Variants in PDZRN4 observed in about 807,000 individuals in gnomAD.
PDZRN4 encodes the protein PDZ domain-containing RING finger protein 4.
Under a neutral mutation model 99.0 loss-of-function variants are expected in PDZRN4, and 70 were observed. The observed-to-expected ratio is 0.71, with a 90% CI of 0.58 to 0.86. The LOEUF is 0.86. Ranked by LOEUF, PDZRN4 falls within the 40% of genes least tolerant of loss-of-function variation. The pLI is 0.00. For missense variants in PDZRN4, 1,474 were observed against 1,331.2 expected, an observed-to-expected ratio of 1.11 and a Z score of -1.67; for synonymous variants, 551 against 501.6, an observed-to-expected ratio of 1.10 and a Z score of -1.32.
intron 3 of PDZRN4, among the ~76,000 whole-genome samples, chr12:41,366,722 T>C (rs1449521688): frequency 6.6e-6 from 1 of 152,106 alleles, no homozygotes; most frequent in African/African-American, 2.4e-5. Flanking sequence ...CATAAGGCAA[T>C]AGATCCTCTC....
intron 3 of PDZRN4, among the ~76,000 whole-genome samples, chr12:41,368,787 C>T (rs1952020038): frequency 6.6e-6 from 1 of 152,078 alleles, no homozygotes; most frequent in Non-Finnish European, 1.5e-5. Flanking sequence ...TATACATTAG[C>T]TCATCTCCTC....
At chr12:41,414,917 A>G (rs998938259) in intron 3 of PDZRN4, among the ~76,000 whole-genome samples, 2 of 152,188 alleles carry the variant, frequency 1.3e-5, no homozygotes, top group Non-Finnish European at 2.9e-5. Context: ...CTGAGATAGC[A>G]GAGTCAAGGG....
intron 3 of PDZRN4, among the ~76,000 whole-genome samples, chr12:41,350,297 A>T (rs1412691857): frequency 6.6e-6 from 1 of 152,088 alleles, no homozygotes; most frequent in Non-Finnish European, 1.5e-5. Flanking sequence ...CAAGTGAAGC[A>T]ATTCCAGAGT....
chr12:41,232,145 T>C (rs544704085), intron 3 of PDZRN4, among the ~76,000 whole-genome samples: 19 of 152,134 alleles, frequency 1.2e-4, no homozygotes, highest in African/African-American at 4.3e-4. Context: ...ACTGAGATTA[T>C]AAATCAATTA....
intron 3 of PDZRN4, among the ~76,000 whole-genome samples, chr12:41,241,361 T>G (rs1951100845): frequency 6.6e-6 from 1 of 151,758 alleles, no homozygotes; most frequent in Non-Finnish European, 1.5e-5. Context: ...GTTGTGCATC[T>G]AGATTTTTGG....
chr12:41,239,665 A>T (rs1364603815), intron 3 of PDZRN4, among the ~76,000 whole-genome samples: 1 of 152,208 alleles, frequency 6.6e-6, no homozygotes, highest in South Asian at 2.1e-4. Context: ...AGACACATCA[A>T]ATAAGTCATT....
intron 3 of PDZRN4, among the ~76,000 whole-genome samples, chr12:41,203,786 C>T (rs751837839): frequency 6.6e-6 from 1 of 151,878 alleles, no homozygotes; most frequent in Non-Finnish European, 1.5e-5. Flanking sequence ...ATGAAAAGTC[C>T]GTTGAAGCCA....
At position 41,234,013 on chromosome 12, in the gene PDZRN4, C is replaced by T. The variant is rs556028244; in HGVS notation, c.843+39825C>T. Among the ~76,000 whole-genome samples, 22 of 151,890 alleles carry T rather than the reference C, an allele frequency of 1.4e-4. No individual in the cohort carries two copies. The East Asian group carries it at 2.9e-3, about 20-fold the overall frequency. The stretch of plus-strand genomic sequence containing the variant: ...AGAGAATCACTCTCTGATTGGCCCC[C>T]GTCAGAAAGCAATATTGGCCCTTTG... On this transcript the variant is annotated intron_variant, in intron 3 of 9. Transcript: ENST00000402685.
chr12:41,273,477 T>G (rs1269351637), intron 3 of PDZRN4, among the ~76,000 whole-genome samples: 1 of 152,058 alleles, frequency 6.6e-6, no homozygotes, highest in Admixed American at 6.6e-5. Flanking sequence ...TGAAACAGTA[T>G]AGCGTGATAG....
At chr12:41,519,670 G>A (rs1025417028) in intron 5 of PDZRN4, among the ~76,000 whole-genome samples, 31 of 151,872 alleles carry the variant, frequency 2.0e-4, no homozygotes, top group African/African-American at 7.3e-4. Flanking sequence ...GAACGTGAGG[G>A]GTCTTAGCCC....
At chr12:41,409,778 G>A (rs182029355) in intron 3 of PDZRN4, 4 of 152,186 alleles carry the variant, frequency 2.6e-5, no homozygotes, top group Non-Finnish European at 5.9e-5. Context: ...TGAAATCAAT[G>A]TGTCAGATGT....
chr12:41,368,834 T>C (rs760780880), intron 3 of PDZRN4, among the ~76,000 whole-genome samples: 2 of 152,120 alleles, frequency 1.3e-5, no homozygotes, highest in South Asian at 2.1e-4. Flanking sequence ...AAGGGGATGG[T>C]GGTCAGTGGC....
At chr12:41,495,736 T>C (rs563413244) in intron 3 of PDZRN4, among the ~76,000 whole-genome samples, 2 of 152,270 alleles carry the variant, frequency 1.3e-5, no homozygotes, top group South Asian at 4.1e-4. Flanking sequence ...AGGATCTATG[T>C]TAAAGCTGTC....
At chr12:41,446,741 A>G (rs1245909453) in intron 3 of PDZRN4, among the ~76,000 whole-genome samples, 2 of 152,084 alleles carry the variant, frequency 1.3e-5, no homozygotes, top group African/African-American at 4.8e-5. Context: ...TACAGTGGAC[A>G]TGGCAGAGAA....
Position 41,573,726 on chromosome 12 carries a change from AAGG to A in PDZRN4, c.2950_2952del (p.Glu984del). The A allele has an allele frequency of 6.2e-7, 1 of 1,613,934 alleles. No homozygotes were observed. The highest frequency in any genetic ancestry group is 8.5e-7 in the Non-Finnish European group (1 of 1,179,950). On this transcript the variant is annotated inframe_deletion, in exon 10 of 10. Coordinates refer to ENST00000402685, the MANE Select transcript of PDZRN4 (RefSeq NM_001164595.2). ...CCCTCAGAGCGGCAGTGAGGGCAAG[AAGG>A]AGATCAATATCATTGAACTGAGTCA...
chr12:41,207,576 T>A (rs1262959503), intron 3 of PDZRN4, among the ~76,000 whole-genome samples: 1 of 151,744 alleles, frequency 6.6e-6, no homozygotes, highest in African/African-American at 2.4e-5. Flanking sequence ...AAAATATATC[T>A]CAACACATAA....
intron 3 of PDZRN4, among the ~76,000 whole-genome samples, chr12:41,322,880 T>G (rs916223322): frequency 7.2e-6 from 1 of 138,250 alleles, no homozygotes; most frequent in Non-Finnish European, 1.5e-5. Context: ...CTTTTTTCTT[T>G]TTTTTCTTTC....
intron 3 of PDZRN4, among the ~76,000 whole-genome samples, chr12:41,321,208 T>G (rs1951675246): frequency 1.3e-5 from 2 of 152,180 alleles, no homozygotes; most frequent in South Asian, 4.1e-4. Flanking sequence ...AGCCCTTTAG[T>G]GTTTGAGTTT....
chr12:41,386,372 C>A (rs1478643568), intron 3 of PDZRN4, among the ~76,000 whole-genome samples: 1 of 151,754 alleles, frequency 6.6e-6, no homozygotes, highest in African/African-American at 2.4e-5. Flanking sequence ...AGAAGTCAAA[C>A]TTTGGCAAAA....
Sources: allele counts gnomAD v4.1 joint callset (sites outside exome capture counted in the v4.1 genomes callset), GRCh38; gene constraint gnomAD v4.1.1; transcripts MANE v1.5; gene names NCBI Gene and HGNC (gene_info 2026-07-23, HGNC 2026-07-21).